Variants in RALGPS2 observed in about 807,000 individuals in gnomAD.
RALGPS2 encodes the protein ras-specific guanine nucleotide-releasing factor RalGPS2.
In RALGPS2, 43 loss-of-function variants were observed where a neutral mutation model predicts 86.8. The ratio of observed to expected loss-of-function variants is 0.50; its 90% CI spans 0.39 to 0.64. The LOEUF (loss-of-function observed/expected upper bound fraction) is 0.64, where lower values mean the gene tolerates loss of function less well. RALGPS2 is among the 30% of genes least tolerant of loss of function. The pLI, the probability that RALGPS2 is intolerant of heterozygous loss-of-function variation, is 0.00. For synonymous variants in RALGPS2, 243 were observed against 231.3 expected (o/e 1.05, Z -0.46); for missense variants, 536 against 694.6 (o/e 0.77, Z 2.57).
chr1:178,887,383 A>G (rs1037788026), intron 13 of RALGPS2, among the ~76,000 whole-genome samples: 1 of 152,158 alleles, frequency 6.6e-6, no homozygotes, highest in Non-Finnish European at 1.5e-5. Context: ...AACCCAGGAA[A>G]CAGAGGTTGC....
chr1:178,766,305 C>T (rs1451842159), intron 1 of RALGPS2, among the ~76,000 whole-genome samples: 1 of 152,122 alleles, frequency 6.6e-6, no homozygotes, highest in African/African-American at 2.4e-5. Context: ...ATTGCACAAC[C>T]ACCTCCTGGG....
intron 18 of RALGPS2, 80 bp downstream of exon 18, chr1:178,902,291 C>G (rs1328407812): frequency 9.0e-7 from 1 of 1,112,764 alleles, no homozygotes; most frequent in East Asian, 2.4e-5. Context: ...TGTGTGTATA[C>G]TTGTCATATA....
At chr1:178,813,769 C>T (rs1360842573) in intron 6 of RALGPS2, among the ~76,000 whole-genome samples, 1 of 152,124 alleles carries the variant, frequency 6.6e-6, no homozygotes, top group Non-Finnish European at 1.5e-5. Context: ...CAGGAAACAC[C>T]AATTTTCAAT....
rs1472269550 is a variant in RALGPS2, at chr1:178,917,586, A to C, written c.*1227A>C. The C allele has an allele frequency of 6.6e-6, 1 of 152,210 alleles. No homozygotes were observed. Among genetic ancestry groups the C allele is most frequent in the Non-Finnish European group, 1.5e-5 (1 of 68,014 alleles). The allele number at this position is 152,210 out of a possible 1,614,324, so 9.4% of individuals were successfully genotyped here. A position where few individuals can be genotyped will look rare whatever the true frequency, so the allele number is the denominator to read the frequency against. The stretch of plus-strand genomic sequence containing the variant: ...TTGTATGATTTACCATAAACATACC[A>C]AAACATTTTTCTGAAAATTTACTGT... On this transcript the variant is annotated 3_prime_UTR_variant, in exon 20 of 20. Transcript: ENST00000367635.
chr1:178,785,680 C>T, intron 4 of RALGPS2, 73 bp downstream of exon 4: 5 of 1,472,282 alleles, frequency 3.4e-6, no homozygotes, highest in Non-Finnish European at 4.6e-6. Flanking sequence ...TTAGAAATGT[C>T]AAATTATACT....
chr1:178,754,618 G>C (rs543977488), intron 1 of RALGPS2, among the ~76,000 whole-genome samples: 7 of 152,322 alleles, frequency 4.6e-5, no homozygotes, highest in Admixed American at 4.6e-4. Context: ...TGGGCAATCT[G>C]CCTTACTCAG....
intron 9 of RALGPS2, 84 bp downstream of exon 9, chr1:178,877,719 C>T (rs1659061474): frequency 6.7e-7 from 1 of 1,494,280 alleles, no homozygotes; most frequent in Non-Finnish European, 9.2e-7. Context: ...TCACTTTTCA[C>T]ACAGCAGGGG....
chr1:178,906,684 G>A (rs1660401306), intron 18 of RALGPS2, 92 bp from the exon 19 acceptor site: 1 of 948,278 alleles, frequency 1.1e-6, no homozygotes, highest in South Asian at 1.5e-5. Flanking sequence ...GAAAACTCTA[G>A]TCATGTTTAA....
chr1:178,812,170 T>A (rs1042700063), intron 6 of RALGPS2, among the ~76,000 whole-genome samples: 2 of 152,058 alleles, frequency 1.3e-5, no homozygotes, highest in South Asian at 4.2e-4. Flanking sequence ...TGCTTAAATA[T>A]CTTCTTCACT....
At chr1:178,744,067 A>G (rs1475358450) in intron 1 of RALGPS2, among the ~76,000 whole-genome samples, 1 of 152,214 alleles carries the variant, frequency 6.6e-6, no homozygotes, top group African/African-American at 2.4e-5. Context: ...TAAGAAGACT[A>G]CACAGAAATA....
At position 178,881,367 on chromosome 1, in the gene RALGPS2, A is replaced by C. The variant is rs181561790; in HGVS notation, c.837-2099A>C. On this transcript the variant is annotated intron_variant, in intron 10 of 19. Transcript: ENST00000367635. ...TGCTGGGGATGGAATGATCAAAGGA[A>C]TGGGATAAGAAACAGTGTCTTTGCA... Among the ~76,000 whole-genome samples the C allele has an allele frequency of 3.0e-3, 455 of 152,278 alleles. 1 individual carries two copies. The highest frequency in any genetic ancestry group is 0.011 in the African/African-American group (448 of 41,572).
chr1:178,880,287 T>C (rs909652587), intron 10 of RALGPS2, among the ~76,000 whole-genome samples: 5 of 152,208 alleles, frequency 3.3e-5, no homozygotes, highest in African/African-American at 1.2e-4. Flanking sequence ...TTAGTCCCAG[T>C]AAATGGCTAT....
chr1:178,733,992 A>G (rs911582077), intron 1 of RALGPS2, among the ~76,000 whole-genome samples: 1 of 152,386 alleles, frequency 6.6e-6, no homozygotes, highest in Admixed American at 6.5e-5. Flanking sequence ...ACTTGTAGTC[A>G]GAATGTATAA....
intron 10 of RALGPS2, chr1:178,879,610 T>C (rs905834941): frequency 6.6e-6 from 1 of 152,244 alleles, no homozygotes; most frequent in Admixed American, 6.5e-5. Flanking sequence ...CTGACCAATA[T>C]AGTGAAACAC....
intron 5 of RALGPS2, 46 bp from the exon 6 acceptor site, chr1:178,811,269 C>G (rs372952651): frequency 1.9e-5 from 27 of 1,418,426 alleles, no homozygotes; most frequent in Non-Finnish European, 2.6e-5. Context: ...AAAAAACTTA[C>G]AAATTAAAAA....
At chr1:178,735,628 T>A (rs1169588163) in intron 1 of RALGPS2, among the ~76,000 whole-genome samples, 1 of 139,862 alleles carries the variant, frequency 7.1e-6, no homozygotes, top group African/African-American at 2.7e-5. Context: ...TTTTTAGTGA[T>A]GGGATTTCAC....
At chr1:178,757,531 T>G (rs2102057741) in intron 1 of RALGPS2, among the ~76,000 whole-genome samples, 1 of 152,352 alleles carries the variant, frequency 6.6e-6, no homozygotes, top group African/African-American at 2.4e-5. Context: ...AAGCTTATTC[T>G]GTATCTATTG....
At chr1:178,747,254 T>G in intron 1 of RALGPS2, 1 of 1,506,466 alleles carries the variant, frequency 6.6e-7, no homozygotes, top group Non-Finnish European at 9.2e-7. Flanking sequence ...TTCTCTCACT[T>G]TAAACAAGAA....
At chr1:178,765,097 G>A (rs1240059617) in intron 1 of RALGPS2, among the ~76,000 whole-genome samples, 1 of 151,804 alleles carries the variant, frequency 6.6e-6, no homozygotes, top group Non-Finnish European at 1.5e-5. Context: ...AGCTTGTGCA[G>A]CCTGTACAAC....
Sources: allele counts gnomAD v4.1 joint callset (sites outside exome capture counted in the v4.1 genomes callset), GRCh38; gene constraint gnomAD v4.1.1; transcripts MANE v1.5; gene names NCBI Gene and HGNC (gene_info 2026-07-23, HGNC 2026-07-21).